Variants in CLSTN2 observed in about 807,000 individuals in gnomAD.
The protein encoded by CLSTN2 is calsyntenin 2.
CLSTN2 carries 48 observed loss-of-function variants against 101.2 expected under a neutral mutation model. The ratio of observed to expected loss-of-function variants is 0.47; its 90% confidence interval spans 0.38 to 0.60. CLSTN2 has a LOEUF of 0.60. Among genes scored for constraint, CLSTN2 ranks in the 20% least tolerant of loss-of-function variants. CLSTN2 has a pLI of 0.00. For synonymous variants in CLSTN2, 481 were observed against 463.6 expected (o/e 1.04, Z -0.48); for missense variants, 1,160 against 1,238.2 (o/e 0.94, Z 0.95).
At chr3:140,544,834 C>T (rs1251821166) in intron 9 of CLSTN2, among the ~76,000 whole-genome samples, 1 of 151,950 alleles carries the variant, frequency 6.6e-6, no homozygotes. Flanking sequence ...CATCAGGAAA[C>T]AGGAGGCTTA....
intron 1 of CLSTN2, among the ~76,000 whole-genome samples, chr3:140,125,740 C>A (rs2107801486): frequency 6.6e-6 from 1 of 152,210 alleles, no homozygotes; most frequent in Non-Finnish European, 1.5e-5. Flanking sequence ...TTTACGTGTT[C>A]TCCAGACACT....
In CLSTN2 at chr3:139,990,996, G is replaced by A. The variant is rs772475803; in HGVS notation, c.109+55513G>A. On this transcript the variant is annotated intron_variant, in intron 1 of 16. Coordinates refer to ENST00000458420, the MANE Select transcript of CLSTN2 (RefSeq NM_022131.3). ...AAATAAAATTATTTAAATGAACAAA[G>A]TGAGTCTATTTAAAGAAATATTTAA... 3.9e-5 allele frequency among the ~76,000 whole-genome samples: 6 copies of A among 152,126 alleles called. No homozygotes were observed. In the South Asian group the frequency reaches 8.3e-4, roughly 21 times the overall value.
chr3:140,454,984 AT>A (rs1933361688), intron 6 of CLSTN2, among the ~76,000 whole-genome samples: 1 of 152,164 alleles, frequency 6.6e-6, no homozygotes, highest in African/African-American at 2.4e-5. Context: ...TTCCCCTGAG[AT>A]TCTACATCAC....
At chr3:140,090,693 G>T (rs1184956972) in intron 1 of CLSTN2, among the ~76,000 whole-genome samples, 1 of 152,150 alleles carries the variant, frequency 6.6e-6, no homozygotes, top group Non-Finnish European at 1.5e-5. Flanking sequence ...CACCAGCCAG[G>T]AAAGACTTCC....
At chr3:139,980,643 A>G (rs982975809) in intron 1 of CLSTN2, among the ~76,000 whole-genome samples, 2 of 152,002 alleles carry the variant, frequency 1.3e-5, no homozygotes, top group African/African-American at 2.4e-5. Flanking sequence ...TATATTATCT[A>G]TTAGTTTATT....
intron 2 of CLSTN2, among the ~76,000 whole-genome samples, chr3:140,377,792 C>T (rs2087932820): frequency 6.6e-6 from 1 of 152,122 alleles, no homozygotes; most frequent in Non-Finnish European, 1.5e-5. Context: ...ATGTTTAGCA[C>T]ATTTAGTGTA....
At chr3:140,290,267 T>A (rs889923163) in intron 2 of CLSTN2, among the ~76,000 whole-genome samples, 2 of 152,148 alleles carry the variant, frequency 1.3e-5, no homozygotes, top group African/African-American at 4.8e-5. Flanking sequence ...GGCACAGCAC[T>A]GAGCCCTGGG....
chr3:140,374,557 GA>G lies in CLSTN2; in HGVS notation c.233-29066del, dbSNP rs574007408. On this transcript the variant is annotated intron_variant, in intron 2 of 16. Transcript: ENST00000458420. ...TTTCCTGTATAATTTTAACAGGAAT[GA>G]AAAAAGAAGACCCCAGATATTAAAT... 7.2e-5 allele frequency among the ~76,000 whole-genome samples: 11 copies of G among 152,150 alleles called. No individual in the cohort carries two copies. In the South Asian group the frequency reaches 2.1e-3, roughly 29 times the overall value.
chr3:140,108,659 G>A (rs1433530757), intron 1 of CLSTN2, among the ~76,000 whole-genome samples: 2 of 152,178 alleles, frequency 1.3e-5, no homozygotes, highest in African/African-American at 4.8e-5. Flanking sequence ...ATAAGACAGG[G>A]ATTGGGCTTT....
intron 2 of CLSTN2, among the ~76,000 whole-genome samples, chr3:140,209,704 A>G (rs978002350): frequency 1.3e-5 from 2 of 152,090 alleles, no homozygotes; most frequent in African/African-American, 4.8e-5. Flanking sequence ...AGTGTCGAAA[A>G]GTTACACCCC....
intron 10 of CLSTN2, among the ~76,000 whole-genome samples, chr3:140,556,199 ACTG>A (rs1935786891): frequency 1.3e-5 from 2 of 152,132 alleles, no homozygotes; most frequent in African/African-American, 4.8e-5. Flanking sequence ...AGCATGGACC[ACTG>A]TTCGCCAAGG....
intron 2 of CLSTN2, among the ~76,000 whole-genome samples, chr3:140,297,977 G>C (rs551020901): frequency 6.6e-6 from 1 of 152,276 alleles, no homozygotes; most frequent in South Asian, 2.1e-4. Flanking sequence ...AATGTGTACT[G>C]CTTTTATACA....
chr3:139,973,821 G>A lies in CLSTN2; in HGVS notation c.109+38338G>A, dbSNP rs1169883452. On this transcript the variant is annotated intron_variant, in intron 1 of 16. Coordinates refer to ENST00000458420, the MANE Select transcript of CLSTN2 (RefSeq NM_022131.3). ...GCCCAGCTAAATTTTTAATATATTT[G>A]TAGAGATGGGGTCTCTCTTTGTTGC... Among the ~76,000 whole-genome samples, 3 of 152,112 alleles carry A rather than the reference G, an allele frequency of 2.0e-5. No individual in the cohort carries two copies. The East Asian group carries it at 5.8e-4, about 30-fold the overall frequency.
At chr3:140,087,169 G>A (rs1379856960) in intron 1 of CLSTN2, among the ~76,000 whole-genome samples, 2 of 152,096 alleles carry the variant, frequency 1.3e-5, no homozygotes, top group East Asian at 1.9e-4. Flanking sequence ...AGAAACCGGT[G>A]TCTTGAGACC....
intron 8 of CLSTN2, among the ~76,000 whole-genome samples, chr3:140,502,678 G>A (rs536885540): frequency 1.7e-4 from 26 of 152,292 alleles, no homozygotes; most frequent in African/African-American, 6.3e-4. Context: ...GGAGTGTGGA[G>A]CTGGCCTTGG....
At chr3:140,079,949 A>G (rs1460749711) in intron 1 of CLSTN2, among the ~76,000 whole-genome samples, 2 of 152,174 alleles carry the variant, frequency 1.3e-5, no homozygotes, top group Non-Finnish European at 2.9e-5. Flanking sequence ...GATTAATGGC[A>G]GGAGGAATTA....
intron 2 of CLSTN2, among the ~76,000 whole-genome samples, chr3:140,281,239 A>C (rs1336359660): frequency 6.6e-6 from 1 of 152,182 alleles, no homozygotes; most frequent in Admixed American, 6.5e-5. Flanking sequence ...AATATAAATG[A>C]ATTATTTTCA....
chr3:140,554,568 T>C (rs1174132498), intron 10 of CLSTN2, among the ~76,000 whole-genome samples: 1 of 152,216 alleles, frequency 6.6e-6, no homozygotes, highest in Non-Finnish European at 1.5e-5. Flanking sequence ...GGAAGGAGTA[T>C]GTGTTGATAT....
intron 2 of CLSTN2, among the ~76,000 whole-genome samples, chr3:140,208,016 G>GTAACCC (rs1430785239): frequency 6.6e-6 from 1 of 151,936 alleles, no homozygotes; most frequent in Admixed American, 6.6e-5. Flanking sequence ...CTTTTTAATA[G>GTAACCC]TAACCCATTG....
Sources: gnomAD v4.1 joint callset for allele counts (sites outside exome capture counted in the v4.1 genomes callset) on GRCh38, gnomAD v4.1.1 for gene constraint, MANE v1.5 for transcripts, NCBI Gene and HGNC (gene_info 2026-07-23, HGNC 2026-07-21) for gene names.